Variants in ASCC3 observed in about 807,000 individuals in gnomAD.
The protein encoded by ASCC3 is ASC-1 complex subunit P200.
ASCC3 carries 158 observed loss-of-function variants against 256.3 expected under a neutral mutation model. The observed-to-expected ratio is 0.62, with a 90% CI of 0.54 to 0.70. ASCC3 has a LOEUF of 0.70. Among genes scored for constraint, ASCC3 ranks in the 30% least tolerant of loss-of-function variants. The pLI, the probability that ASCC3 is intolerant of heterozygous loss-of-function variation, is 0.00. For missense variants in ASCC3, 2,259 were observed against 2,626.0 expected (o/e 0.86, Z 3.05); for synonymous variants, 948 against 883.4 (o/e 1.07, Z -1.30).
chr6:100,824,508 C>A (rs1371291470), intron 4 of ASCC3, among the ~76,000 whole-genome samples: 1 of 152,050 alleles, frequency 6.6e-6, no homozygotes. Context: ...ATCCTTATCG[C>A]TTCTCAGCCT....
At chr6:100,711,028 T>C (rs1778829646) in intron 13 of ASCC3, among the ~76,000 whole-genome samples, 1 of 152,168 alleles carries the variant, frequency 6.6e-6, no homozygotes, top group Non-Finnish European at 1.5e-5. Flanking sequence ...TATGTGTTTA[T>C]ACATGGCTAC....
Position 100,625,264 on chromosome 6 carries a change from A to T in ASCC3, c.4713T>A (p.Thr1571=). The T allele has an allele frequency of 6.2e-7, 1 of 1,613,092 alleles. No individual in the cohort carries two copies. Among genetic ancestry groups the T allele is most frequent in the Non-Finnish European group, 8.5e-7 (1 of 1,179,314 alleles). The change falls in exon 30 of 42, where the codon ACT becomes ACA. Residue 1571 remains threonine, a synonymous_variant. Transcript: ENST00000369162. The part of the protein sequence containing the change: ...FVSSRRQTRL[T]ALELIAFLAT... The stretch of plus-strand genomic sequence containing the variant: ...CCAGGAAGGCGATCAATTCCAAAGC[A>T]GTAAGACGAGTTTGACGTCTTGATG...
chr6:100,525,156 C>CAAAAAAAAAAAAAAAAAAAAAAA (rs57882047), intron 37 of ASCC3, among the ~76,000 whole-genome samples: 9 of 44,956 alleles, frequency 2.0e-4, no homozygotes, highest in East Asian at 6.5e-4. Context: ...GACCCTGTCT[C>CAAAAAAAAAAAAAAAAAAAAAAA]AAAAAAAAAA....
intron 14 of ASCC3, among the ~76,000 whole-genome samples, chr6:100,676,431 T>C (rs1242543219): frequency 2.0e-5 from 3 of 152,166 alleles, no homozygotes; most frequent in Non-Finnish European, 4.4e-5. Flanking sequence ...TTTTTGTGAA[T>C]GTGTCCTGTT....
chr6:100,765,622 T>A (rs887460590), intron 10 of ASCC3, among the ~76,000 whole-genome samples: 1 of 152,178 alleles, frequency 6.6e-6, no homozygotes, highest in Non-Finnish European at 1.5e-5. Flanking sequence ...TGTCTCACGT[T>A]TCCCTAAAAT....
chr6:100,583,968 C>T (rs536756689), intron 36 of ASCC3, among the ~76,000 whole-genome samples: 1 of 152,194 alleles, frequency 6.6e-6, no homozygotes, highest in South Asian at 2.1e-4. Flanking sequence ...GTTATAATTT[C>T]TGTTGTTTTA....
At position 100,814,947 on chromosome 6, in the gene ASCC3, G is replaced by C. The variant is rs185091755; in HGVS notation, c.802-9067C>G. On this transcript the variant is annotated intron_variant, in intron 4 of 41. Transcript: ENST00000369162. Reference sequence around the variant, plus strand: ...TCTCAATCTCCTTCAGTTCAGCTCTGATTTTGATTATTTGTAGTATTCTCC... The same window carrying C: ...TCTCAATCTCCTTCAGTTCAGCTCTCATTTTGATTATTTGTAGTATTCTCC... 9.9e-3 allele frequency among the ~76,000 whole-genome samples: 1,497 copies of C among 151,906 alleles called. 8 individuals are homozygous for C. The highest frequency in any genetic ancestry group is 0.034 in the Middle Eastern group (10 of 294).
chr6:100,699,532 C>T (rs565379140), intron 13 of ASCC3, among the ~76,000 whole-genome samples: 12 of 151,862 alleles, frequency 7.9e-5, no homozygotes, highest in Non-Finnish European at 1.6e-4. Flanking sequence ...TAAATTTGTA[C>T]CAGTAGAGTG....
At chr6:100,832,552 C>T (rs1343740949) in intron 4 of ASCC3, among the ~76,000 whole-genome samples, 2 of 151,898 alleles carry the variant, frequency 1.3e-5, no homozygotes, top group African/African-American at 4.8e-5. Flanking sequence ...TAATTATACA[C>T]TCAAATGAAT....
chr6:100,659,482 TATTA>T (rs1776081590), intron 16 of ASCC3, among the ~76,000 whole-genome samples: 1 of 151,516 alleles, frequency 6.6e-6, no homozygotes. Flanking sequence ...ATATATGTTT[TATTA>T]TTTAAATACC....
intron 8 of ASCC3, among the ~76,000 whole-genome samples, chr6:100,789,932 G>A (rs1405370527): frequency 1.3e-5 from 2 of 151,930 alleles, no homozygotes; most frequent in African/African-American, 4.8e-5. Flanking sequence ...AATGCAAAAT[G>A]AAGCAACCTA....
chr6:100,562,127 A>G (rs1769987847), intron 36 of ASCC3, among the ~76,000 whole-genome samples: 1 of 152,108 alleles, frequency 6.6e-6, no homozygotes, highest in Admixed American at 6.6e-5. Context: ...TTGGACTGTC[A>G]GTTGGAAAAC....
At chr6:100,739,974 C>T (rs746212926) in intron 10 of ASCC3, among the ~76,000 whole-genome samples, 3 of 152,018 alleles carry the variant, frequency 2.0e-5, no homozygotes, top group Non-Finnish European at 4.4e-5. Flanking sequence ...TTCCTGCTAG[C>T]TTTGGGGTTT....
chr6:100,876,750 G>A (rs1774021662), intron 1 of ASCC3, among the ~76,000 whole-genome samples: 1 of 152,028 alleles, frequency 6.6e-6, no homozygotes, highest in Non-Finnish European at 1.5e-5. Flanking sequence ...AATATTTAAT[G>A]CCCCAGAACA....
chr6:100,722,010 T>C (rs915500704), intron 11 of ASCC3, among the ~76,000 whole-genome samples: 1 of 151,888 alleles, frequency 6.6e-6, no homozygotes, highest in African/African-American at 2.4e-5. Context: ...AATTTTTGTA[T>C]ATAGTGAAAG....
chr6:100,577,138 T>C (rs1364370383), intron 36 of ASCC3, among the ~76,000 whole-genome samples: 2 of 151,910 alleles, frequency 1.3e-5, no homozygotes, highest in Non-Finnish European at 2.9e-5. Context: ...TCCTGATCCC[T>C]ACGTTGTAAA....
At chr6:100,809,986 C>A (rs574802537) in intron 4 of ASCC3, among the ~76,000 whole-genome samples, 1 of 152,048 alleles carries the variant, frequency 6.6e-6, no homozygotes, top group African/African-American at 2.4e-5. Context: ...TATACTAACA[C>A]GCAAATCTGT....
chr6:100,790,980 G>A (rs1241136585), intron 8 of ASCC3, among the ~76,000 whole-genome samples: 2 of 151,764 alleles, frequency 1.3e-5, no homozygotes, highest in Non-Finnish European at 2.9e-5. Flanking sequence ...AACATAGACA[G>A]TATTTCCCCT....
rs369403977 is a variant in ASCC3 at position 100,528,912 on chromosome 6, G to A, written c.5776-10770C>T. On this transcript the variant is annotated intron_variant, in intron 37 of 41. Transcript: ENST00000369162. ...TACATTCTTCCTCAATAGTAAAGAG[G>A]AGATATCTGCTATCTTTTGGGGGAA... Among the ~76,000 whole-genome samples the A allele has an allele frequency of 5.9e-5, 9 of 152,290 alleles. No homozygotes were observed. In the South Asian group the frequency reaches 1.9e-3, roughly 32 times the overall value.
Sources: gnomAD v4.1 joint callset for allele counts (sites outside exome capture counted in the v4.1 genomes callset) on GRCh38, gnomAD v4.1.1 for gene constraint, MANE v1.5 for transcripts, NCBI Gene and HGNC (gene_info 2026-07-23, HGNC 2026-07-21) for gene names.